Variants in THSD7B observed in about 807,000 individuals in gnomAD.
THSD7B encodes thrombospondin type 1 domain containing 7B.
In THSD7B, 138 loss-of-function variants were observed where a neutral mutation model predicts 213.6. That is an observed-to-expected ratio of 0.65 (90% CI 0.56 to 0.74). The LOEUF (loss-of-function observed/expected upper bound fraction) is 0.74, where lower values mean the gene tolerates loss of function less well. Ranked by LOEUF, THSD7B falls within the 30% of genes least tolerant of loss-of-function variation. The pLI, the probability that THSD7B is intolerant of heterozygous loss-of-function variation, is 0.00. For synonymous variants in THSD7B, 742 were observed against 687.0 expected (o/e 1.08, Z -1.25); for missense variants, 1,931 against 1,991.5 (o/e 0.97, Z 0.58).
rs1428616355 is a variant in THSD7B at position 137,394,259 on chromosome 2, T to G, written c.2501-11354T>G. ...CCCATGCCTATGTCCTGAATGGTAT[T>G]GCCTAGGTTTTCTTCTAGGGTTTTT... On this transcript the variant is annotated intron_variant, in intron 12 of 27. Transcript: ENST00000409968. 2.8e-5 allele frequency among the ~76,000 whole-genome samples: 3 copies of G among 108,300 alleles called. No individual in the cohort carries two copies. The South Asian group carries it at 1.1e-3, about 41-fold the overall frequency. The allele number at this position is 108,300 out of a possible 152,430, so 71.0% of individuals were successfully genotyped here.
At chr2:137,274,074 C>T (rs34128530) in intron 11 of THSD7B, among the ~76,000 whole-genome samples, 4,081 of 152,138 alleles carry the variant, frequency 0.027, 106 homozygotes, top group Middle Eastern at 0.095. Context: ...CCTCCTGCCA[C>T]GTTCCCCAAA....
At chr2:136,861,920 G>A (rs924011613) in intron 1 of THSD7B, among the ~76,000 whole-genome samples, 3 of 152,128 alleles carry the variant, frequency 2.0e-5, no homozygotes, top group Non-Finnish European at 4.4e-5. Flanking sequence ...GAGTCTGGAG[G>A]ATCTGCTTCC....
intron 3 of THSD7B, among the ~76,000 whole-genome samples, chr2:137,076,871 A>G (rs1007241106): frequency 5.9e-5 from 9 of 151,878 alleles, no homozygotes; most frequent in African/African-American, 2.2e-4. Flanking sequence ...CATGTGCACA[A>G]TGTGCATATT....
intron 12 of THSD7B, among the ~76,000 whole-genome samples, chr2:137,400,026 G>T (rs1023785941): frequency 1.3e-5 from 2 of 151,932 alleles, no homozygotes; most frequent in African/African-American, 4.8e-5. Context: ...GAACTTTTCA[G>T]ATCTATTATT....
At chr2:137,330,615 C>A (rs561677657) in intron 12 of THSD7B, among the ~76,000 whole-genome samples, 1 of 151,884 alleles carries the variant, frequency 6.6e-6, no homozygotes, top group East Asian at 1.9e-4. Flanking sequence ...TAAGGCAGTG[C>A]GTCTGGAGTT....
At chr2:137,563,489 A>G (rs1681166123) in intron 16 of THSD7B, 135 bp downstream of exon 16, 1 of 1,207,874 alleles carries the variant, frequency 8.3e-7, no homozygotes, top group Non-Finnish European at 1.1e-6. Context: ...CATCTTTGAA[A>G]TATTCATTGA....
chr2:137,211,796 T>C (rs941378205), intron 7 of THSD7B, among the ~76,000 whole-genome samples: 1 of 152,232 alleles, frequency 6.6e-6, no homozygotes. Flanking sequence ...TTTCAAAGTG[T>C]CTTTCATGGC....
intron 5 of THSD7B, among the ~76,000 whole-genome samples, chr2:137,129,527 C>T (rs1196082471): frequency 6.6e-6 from 1 of 152,006 alleles, no homozygotes; most frequent in Non-Finnish European, 1.5e-5. Context: ...GTAGCCTCAG[C>T]CTCCTGGGCT....
rs539934809 is a variant in THSD7B at position 136,979,396 on chromosome 2, C to T, written c.140-77024C>T. 3.3e-5 allele frequency among the ~76,000 whole-genome samples: 5 copies of T among 152,240 alleles called. No individual in the cohort carries two copies. The South Asian group carries it at 6.2e-4, about 19-fold the overall frequency. On this transcript the variant is annotated intron_variant, in intron 2 of 27. Transcript: ENST00000409968. ...TATCCTGAAGTATATTTTTCAATTT[C>T]GTCCTGTTCTCCCTGTCTCTTTCAG...
chr2:137,476,121 T>G (rs1688185520), intron 15 of THSD7B, among the ~76,000 whole-genome samples: 1 of 152,118 alleles, frequency 6.6e-6, no homozygotes, highest in South Asian at 2.1e-4. Flanking sequence ...AATACATGTG[T>G]CCTCATGTCC....
At chr2:136,935,152 A>G (rs1237634373) in intron 2 of THSD7B, among the ~76,000 whole-genome samples, 1 of 152,182 alleles carries the variant, frequency 6.6e-6, no homozygotes, top group Non-Finnish European at 1.5e-5. Context: ...AATGATTCAG[A>G]TATAAAACTA....
chr2:137,199,347 A>C (rs1330347937), intron 7 of THSD7B, among the ~76,000 whole-genome samples: 1 of 152,310 alleles, frequency 6.6e-6, no homozygotes, highest in East Asian at 1.9e-4. Context: ...AAAAATGTTT[A>C]TATAAAATAA....
intron 5 of THSD7B, among the ~76,000 whole-genome samples, chr2:137,142,749 A>G (rs186824803): frequency 1.1e-3 from 163 of 152,304 alleles, no homozygotes; most frequent in African/African-American, 3.8e-3. Context: ...CTTCTAACTT[A>G]AATATTTAGA....
At chr2:137,516,644 A>G (rs1441728578) in intron 15 of THSD7B, among the ~76,000 whole-genome samples, 1 of 152,178 alleles carries the variant, frequency 6.6e-6, no homozygotes, top group Non-Finnish European at 1.5e-5. Flanking sequence ...TCTGACTTAC[A>G]GTGGCTCCAG....
At chr2:137,480,385 T>C (rs1276166782) in intron 15 of THSD7B, among the ~76,000 whole-genome samples, 3 of 152,186 alleles carry the variant, frequency 2.0e-5, no homozygotes, top group Non-Finnish European at 2.9e-5. Flanking sequence ...TTACAAAACA[T>C]TTGTGGTCGA....
chr2:136,942,896 G>T (rs1248199414), intron 2 of THSD7B, among the ~76,000 whole-genome samples: 2 of 152,168 alleles, frequency 1.3e-5, no homozygotes, highest in African/African-American at 4.8e-5. Context: ...TGTTGAATAG[G>T]AGTGGTGAGA....
chr2:136,959,069 T>C (rs1685176170), intron 2 of THSD7B, among the ~76,000 whole-genome samples: 1 of 152,042 alleles, frequency 6.6e-6, no homozygotes, highest in Non-Finnish European at 1.5e-5. Context: ...CTTTAAGGAG[T>C]GTAATTGGTT....
chr2:137,045,940 C>T (rs577730189), intron 2 of THSD7B, among the ~76,000 whole-genome samples: 1 of 151,990 alleles, frequency 6.6e-6, no homozygotes, highest in East Asian at 1.9e-4. Flanking sequence ...TTATTAGGTG[C>T]CCAATAGAAT....
At chr2:137,663,891 G>A (rs542220637) in intron 26 of THSD7B, among the ~76,000 whole-genome samples, 97 of 152,150 alleles carry the variant, frequency 6.4e-4, no homozygotes, top group Non-Finnish European at 1.1e-3. Flanking sequence ...TCACTCTGTC[G>A]CCCAGGCTGC....
Sources: allele counts gnomAD v4.1 joint callset (sites outside exome capture counted in the v4.1 genomes callset), GRCh38; gene constraint gnomAD v4.1.1; transcripts MANE v1.5; gene names NCBI Gene and HGNC (gene_info 2026-07-23, HGNC 2026-07-21).